The following ATF6 variants were observed in gnomAD, a reference collection of about 807,000 sequenced individuals.
The protein encoded by ATF6 is cyclic AMP-dependent transcription factor ATF-6 alpha.
In ATF6, 53 loss-of-function variants were observed where a neutral mutation model predicts 83.6. That is an observed-to-expected ratio of 0.63 (90% confidence interval 0.51 to 0.80). ATF6 has a LOEUF of 0.80. Ranked by LOEUF, ATF6 falls within the 30% of genes least tolerant of loss-of-function variation. The pLI is 0.00. For missense variants in ATF6, 744 were observed against 797.9 expected (o/e 0.93, Z 0.81); for synonymous variants, 288 against 285.8 (o/e 1.01, Z -0.08).
intron 15 of ATF6, among the ~76,000 whole-genome samples, chr1:161,944,183 C>G (rs1366316973): frequency 6.6e-6 from 1 of 152,156 alleles, no homozygotes; most frequent in Non-Finnish European, 1.5e-5. Context: ...AAGTTAAGTT[C>G]TGAAATAAAA....
At chr1:161,909,109 C>T (rs1018915455) in intron 14 of ATF6, among the ~76,000 whole-genome samples, 6 of 152,180 alleles carry the variant, frequency 3.9e-5, no homozygotes, top group Admixed American at 2.6e-4. Flanking sequence ...ATAATAGTGG[C>T]TTAGATAAAT....
At chr1:161,956,349 A>G (rs1193835281) in intron 15 of ATF6, among the ~76,000 whole-genome samples, 4 of 152,192 alleles carry the variant, frequency 2.6e-5, no homozygotes, top group Non-Finnish European at 4.4e-5. Flanking sequence ...GAGAGGGACT[A>G]TGGTTCCAAA....
At chr1:161,766,718 A>G (rs1280352348) in intron 1 of ATF6, among the ~76,000 whole-genome samples, 1 of 152,214 alleles carries the variant, frequency 6.6e-6, no homozygotes, top group Non-Finnish European at 1.5e-5. Context: ...TTGTGTGGCT[A>G]ACACTGGACG....
chr1:161,824,058 G>A (rs1355541664), intron 9 of ATF6, among the ~76,000 whole-genome samples: 2 of 152,184 alleles, frequency 1.3e-5, no homozygotes, highest in African/African-American at 2.4e-5. Flanking sequence ...CAAAAAGACT[G>A]TATCCGTTTA....
intron 11 of ATF6, among the ~76,000 whole-genome samples, chr1:161,852,662 G>A (rs1183757730): frequency 2.0e-5 from 3 of 152,032 alleles, no homozygotes; most frequent in East Asian, 1.9e-4. Context: ...GCTCAGGCTG[G>A]TGTGCAGTGG....
intron 14 of ATF6, among the ~76,000 whole-genome samples, chr1:161,905,806 G>T (rs1687867005): frequency 6.6e-6 from 1 of 151,954 alleles, no homozygotes; most frequent in Non-Finnish European, 1.5e-5. Context: ...TAACTCAAGT[G>T]TTTTTGTTGT....
intron 10 of ATF6, among the ~76,000 whole-genome samples, 192 bp from the exon 11 acceptor site, chr1:161,851,530 G>A (rs1686631969): frequency 6.6e-6 from 1 of 152,122 alleles, no homozygotes; most frequent in Admixed American, 6.6e-5. Context: ...TTACCATCCT[G>A]TCTCTGTAGA....
chr1:161,794,440 A>G (rs1684960702), intron 6 of ATF6, among the ~76,000 whole-genome samples: 1 of 152,094 alleles, frequency 6.6e-6, no homozygotes, highest in African/African-American at 2.4e-5. Context: ...ACTCTTCACA[A>G]TTTGGCTCTA....
intron 12 of ATF6, among the ~76,000 whole-genome samples, chr1:161,859,944 G>A (rs781765817): frequency 1.3e-5 from 2 of 152,108 alleles, no homozygotes; most frequent in Non-Finnish European, 2.9e-5. Flanking sequence ...AAAATTTGTG[G>A]TGCTTGGACT....
rs375101520 is a variant in ATF6, at chr1:161,931,683, G to A, written c.1804+19303G>A. ...ACTGGCCATTTGTATATCTTCTTTG[G>A]AGAACTGTCTATTCAAAACATTTGC... On this transcript the variant is annotated intron_variant, in intron 15 of 15. Transcript: ENST00000367942. 2.1e-3 allele frequency among the ~76,000 whole-genome samples: 323 copies of A among 152,100 alleles called. 2 individuals are homozygous for A. Among genetic ancestry groups the A allele is most frequent in the South Asian group, 0.015 (70 of 4,806 alleles).
chr1:161,916,032 C>G (rs190774747), intron 15 of ATF6, among the ~76,000 whole-genome samples: 89 of 152,352 alleles, frequency 5.8e-4, no homozygotes, highest in African/African-American at 2.1e-3. Flanking sequence ...CTTACACTCA[C>G]TGCTTCTACT....
At chr1:161,864,255 C>G (rs1182057942) in intron 14 of ATF6, among the ~76,000 whole-genome samples, 1 of 151,994 alleles carries the variant, frequency 6.6e-6, no homozygotes, top group Admixed American at 6.6e-5. Context: ...TGAAGCAGGT[C>G]CATTTATATG....
intron 7 of ATF6, among the ~76,000 whole-genome samples, chr1:161,813,367 G>T (rs767090040): frequency 6.6e-6 from 1 of 152,074 alleles, no homozygotes; most frequent in Non-Finnish European, 1.5e-5. Context: ...GTGCTATGTC[G>T]TTGTGCCAAT....
At chr1:161,874,006 T>C (rs890871909) in intron 14 of ATF6, among the ~76,000 whole-genome samples, 2 of 151,738 alleles carry the variant, frequency 1.3e-5, no homozygotes, top group African/African-American at 4.8e-5. Context: ...CTGAGCATTG[T>C]TATCAGGACC....
At chr1:161,940,419 A>G (rs950258295) in intron 15 of ATF6, among the ~76,000 whole-genome samples, 10 of 152,026 alleles carry the variant, frequency 6.6e-5, no homozygotes, top group African/African-American at 2.4e-4. Context: ...TTTTCCACTT[A>G]TATTTTGTAT....
chr1:161,936,356 T>C (rs572039619), intron 15 of ATF6, among the ~76,000 whole-genome samples: 1 of 152,302 alleles, frequency 6.6e-6, no homozygotes, highest in South Asian at 2.1e-4. Flanking sequence ...ATTTATGGGG[T>C]ATGTGACATG....
At chr1:161,877,920 T>G (rs368244045) in intron 14 of ATF6, among the ~76,000 whole-genome samples, 4 of 152,232 alleles carry the variant, frequency 2.6e-5, no homozygotes, top group South Asian at 4.1e-4. Flanking sequence ...CTATCATTTT[T>G]TACTAAGATG....
chr1:161,903,915 A>C (rs1216622688), intron 14 of ATF6, among the ~76,000 whole-genome samples: 1 of 152,200 alleles, frequency 6.6e-6, no homozygotes, highest in African/African-American at 2.4e-5. Flanking sequence ...GTTAATAGTG[A>C]AAAATTCTGG....
intron 14 of ATF6, among the ~76,000 whole-genome samples, chr1:161,902,150 T>C (rs1201491105): frequency 6.6e-6 from 1 of 152,196 alleles, no homozygotes; most frequent in Non-Finnish European, 1.5e-5. Context: ...TAAAAAGTGC[T>C]TAATGGGTTA....
Sources: gnomAD v4.1 joint callset for allele counts (sites outside exome capture counted in the v4.1 genomes callset) on GRCh38, gnomAD v4.1.1 for gene constraint, MANE v1.5 for transcripts, NCBI Gene and HGNC (gene_info 2026-07-23, HGNC 2026-07-21) for gene names.